The following CWC27 variants were observed in gnomAD, a reference collection of about 807,000 sequenced individuals.
CWC27 encodes CWC27 spliceosome associated cyclophilin, also known as spliceosome-associated protein CWC27 homolog.
In CWC27, 47 loss-of-function variants were observed where a neutral mutation model predicts 63.6. The ratio of observed to expected loss-of-function variants is 0.74; its 90% CI spans 0.58 to 0.94. The LOEUF is 0.94. Among genes scored for constraint, CWC27 ranks in the 40% least tolerant of loss-of-function variants. The pLI is 0.00. For missense variants in CWC27, 495 were observed against 554.3 expected (o/e 0.89, Z 1.07); for synonymous variants, 175 against 179.8 (o/e 0.97, Z 0.22).
intron 11 of CWC27, among the ~76,000 whole-genome samples, chr5:64,966,652 C>G (rs559612252): frequency 6.6e-6 from 1 of 152,228 alleles, no homozygotes; most frequent in Non-Finnish European, 1.5e-5. Context: ...GCCATGCTCA[C>G]TGGCATCTCC....
At chr5:64,936,169 T>C (rs1429736878) in intron 11 of CWC27, among the ~76,000 whole-genome samples, 1 of 152,172 alleles carries the variant, frequency 6.6e-6, no homozygotes, top group Non-Finnish European at 1.5e-5. Context: ...GGCATCCTTG[T>C]CTTGTGCTGG....
At chr5:64,801,176 A>AATTGTTTTACCATTACATTCAACAT (rs1744472636) in intron 8 of CWC27, 126 bp from the exon 9 acceptor site, 1 of 893,940 alleles carries the variant, frequency 1.1e-6, no homozygotes, top group Non-Finnish European at 1.6e-6. Flanking sequence ...CCTTTCTTAA[A>AATTGTTTTACCATTACATTCAACAT]TTCCTATGTT....
intron 10 of CWC27, among the ~76,000 whole-genome samples, chr5:64,813,322 T>G (rs1309508380): frequency 6.6e-6 from 1 of 152,170 alleles, no homozygotes; most frequent in Non-Finnish European, 1.5e-5. Flanking sequence ...AATACCACTT[T>G]TAAAGTGCCT....
At chr5:64,792,993 T>C (rs1455423812) in intron 7 of CWC27, among the ~76,000 whole-genome samples, 3 of 152,152 alleles carry the variant, frequency 2.0e-5, no homozygotes, top group Non-Finnish European at 4.4e-5. Flanking sequence ...TAAAATATAC[T>C]ATACATTATA....
intron 11 of CWC27, among the ~76,000 whole-genome samples, chr5:64,887,797 A>G (rs1215128804): frequency 6.6e-6 from 1 of 152,180 alleles, no homozygotes; most frequent in Admixed American, 6.5e-5. Context: ...TTCATAGTCA[A>G]TTTTCTACCA....
At chr5:64,843,459 T>C (rs1194462376) in intron 10 of CWC27, among the ~76,000 whole-genome samples, 2 of 152,252 alleles carry the variant, frequency 1.3e-5, no homozygotes, top group Non-Finnish European at 2.9e-5. Context: ...GAGACAGTTT[T>C]TTGAAGTGTT....
intron 11 of CWC27, among the ~76,000 whole-genome samples, chr5:64,947,852 T>A (rs1748619610): frequency 6.6e-6 from 1 of 152,068 alleles, no homozygotes; most frequent in Non-Finnish European, 1.5e-5. Context: ...GGATAGATGT[T>A]CATTTTGGGC....
At chr5:64,857,913 G>A (rs1172916475) in intron 10 of CWC27, among the ~76,000 whole-genome samples, 3 of 151,396 alleles carry the variant, frequency 2.0e-5, no homozygotes, top group Non-Finnish European at 2.9e-5. Context: ...CGAGGCGGGC[G>A]GATCACGAGG....
At chr5:64,811,761 A>T (rs1010790266) in intron 10 of CWC27, among the ~76,000 whole-genome samples, 37 of 152,088 alleles carry the variant, frequency 2.4e-4, no homozygotes, top group African/African-American at 8.2e-4. Context: ...TGAGATATAT[A>T]ACTATAATGA....
intron 11 of CWC27, among the ~76,000 whole-genome samples, chr5:64,906,747 C>T (rs6887509): frequency 0.095 from 14,447 of 152,080 alleles, 2,096 homozygotes; most frequent in African/African-American, 0.31. Context: ...TCATTACCCA[C>T]GCCTATGTCC....
chr5:64,998,311 CTGTAGGTTAAA>C (rs1426011013), intron 13 of CWC27, among the ~76,000 whole-genome samples: 1 of 152,036 alleles, frequency 6.6e-6, no homozygotes, highest in African/African-American at 2.4e-5. Flanking sequence ...AGTCTACTGG[CTGTAGGTTAAA>C]TGTTATTGGC....
At chr5:64,800,104 C>A in intron 7 of CWC27, 144 bp from the exon 8 acceptor site, 1 of 475,292 alleles carries the variant, frequency 2.1e-6, no homozygotes, top group Non-Finnish European at 3.7e-6. Context: ...ACTTATAAAA[C>A]TTTAGTTTGT....
chr5:64,945,731 C>G (rs1748579152), intron 11 of CWC27, among the ~76,000 whole-genome samples: 1 of 152,136 alleles, frequency 6.6e-6, no homozygotes, highest in Non-Finnish European at 1.5e-5. Context: ...CTGTAGTCCT[C>G]TTTCCATAAT....
intron 10 of CWC27, chr5:64,844,941 C>G (rs1421548528): frequency 6.6e-6 from 3 of 456,608 alleles, no homozygotes; most frequent in Non-Finnish European, 1.3e-5. Context: ...TCTGCCTAAC[C>G]TTGGAGCCCA....
At chr5:64,958,729 T>C (rs1048940889) in intron 11 of CWC27, among the ~76,000 whole-genome samples, 8 of 152,132 alleles carry the variant, frequency 5.3e-5, no homozygotes, top group Admixed American at 3.3e-4. Flanking sequence ...AATTCTCTAA[T>C]GGAAAAACAC....
At chr5:64,905,306 A>G (rs1411007100) in intron 11 of CWC27, among the ~76,000 whole-genome samples, 1 of 151,662 alleles carries the variant, frequency 6.6e-6, no homozygotes, top group East Asian at 1.9e-4. Context: ...AGATGCCCTT[A>G]ATAGGAACAT....
intron 13 of CWC27, among the ~76,000 whole-genome samples, chr5:64,989,749 T>G (rs1309560): frequency 0.45 from 68,163 of 151,928 alleles, 15,469 homozygotes; most frequent in African/African-American, 0.47. Flanking sequence ...CAAATTATTT[T>G]TGCATGGTGT....
chr5:64,972,606 TAAA>T, intron 12 of CWC27: 1 of 424,314 alleles, frequency 2.4e-6, no homozygotes, highest in South Asian at 1.7e-5. Flanking sequence ...AAAAGTAAAT[TAAA>T]AAGCCCAAAC....
intron 11 of CWC27, among the ~76,000 whole-genome samples, chr5:64,896,618 C>G (rs1747382554): frequency 6.7e-6 from 1 of 149,568 alleles, no homozygotes; most frequent in Non-Finnish European, 1.5e-5. Flanking sequence ...AGGGAAACTA[C>G]TAACAGGATA....
Sources: allele counts gnomAD v4.1 joint callset (sites outside exome capture counted in the v4.1 genomes callset), GRCh38; gene constraint gnomAD v4.1.1; transcripts MANE v1.5; gene names NCBI Gene and HGNC (gene_info 2026-07-23, HGNC 2026-07-21).